The following ABCC4 variants were observed in gnomAD, a reference collection of about 807,000 sequenced individuals.
ABCC4 encodes the protein ATP binding cassette subfamily C member 4 (PEL blood group).
ABCC4 carries 102 observed loss-of-function variants against 168.5 expected under a neutral mutation model. That is an observed-to-expected ratio of 0.61 (90% CI 0.52 to 0.71). The LOEUF is 0.71. Ranked by LOEUF, ABCC4 falls within the 30% of genes least tolerant of loss-of-function variation. The probability of loss-of-function intolerance (pLI) is 0.00; values close to 1 mark genes in which losing one functional copy is unlikely to be tolerated. For missense variants in ABCC4, 1,402 were observed against 1,605.8 expected (o/e 0.87, Z 2.17); for synonymous variants, 617 against 590.7 (o/e 1.04, Z -0.65).
At chr13:95,140,722 T>C (rs897939136) in intron 19 of ABCC4, among the ~76,000 whole-genome samples, 1 of 152,238 alleles carries the variant, frequency 6.6e-6, no homozygotes, top group Non-Finnish European at 1.5e-5. Flanking sequence ...TGCAGTTATA[T>C]TCTTGGCCTA....
rs140436228 is a variant in ABCC4, at chr13:95,225,140, GTCTCTCTC to G, written c.531+9462_531+9469del. 3.9e-3 allele frequency among the ~76,000 whole-genome samples: 272 copies of G among 70,012 alleles called. 2 individuals carry two copies. Among genetic ancestry groups the G allele is most frequent in the East Asian group, 9.0e-3 (14 of 1,550 alleles). The allele number at this position is 70,012 out of a possible 152,430, so 45.9% of individuals were successfully genotyped here. On this transcript the variant is annotated intron_variant, in intron 4 of 30. Transcript: ENST00000645237. Reference sequence around the variant, plus strand: ...TCCCCCACTGTCTGTCTGTCTGTCTGTCTCTCTCTCTCTCACACACACACACACACACA... The same window carrying G: ...TCCCCCACTGTCTGTCTGTCTGTCTGTCTCTCACACACACACACACACACA...
At chr13:95,076,944 G>C (rs766975596) in intron 21 of ABCC4, among the ~76,000 whole-genome samples, 1 of 151,862 alleles carries the variant, frequency 6.6e-6, no homozygotes, top group Non-Finnish European at 1.5e-5. Context: ...GTTTTTCATA[G>C]AGATGAGGGT....
At chr13:95,188,580 A>G (rs1243553568) in intron 9 of ABCC4, 38 bp from the exon 10 acceptor site, 1 of 1,507,590 alleles carries the variant, frequency 6.6e-7, no homozygotes, top group Non-Finnish European at 9.2e-7. Flanking sequence ...CCATTTCAAT[A>G]AAGTCACACA....
intron 20 of ABCC4, among the ~76,000 whole-genome samples, chr13:95,106,525 G>C (rs1279276655): frequency 6.6e-6 from 1 of 150,840 alleles, no homozygotes; most frequent in South Asian, 2.1e-4. Context: ...TTAAAGAAGA[G>C]CAAGCAGAAG....
At chr13:95,299,853 CT>C (rs1335567543) in intron 1 of ABCC4, among the ~76,000 whole-genome samples, 4 of 152,104 alleles carry the variant, frequency 2.6e-5, no homozygotes, top group African/African-American at 9.7e-5. Context: ...ACACCCGCCA[CT>C]CCCCCAAGAC....
At chr13:95,240,669 C>G (rs2039915487) in intron 3 of ABCC4, among the ~76,000 whole-genome samples, 1 of 151,912 alleles carries the variant, frequency 6.6e-6, no homozygotes, top group Admixed American at 6.6e-5. Flanking sequence ...GCTTAGTATT[C>G]TATTATATTT....
intron 30 of ABCC4, among the ~76,000 whole-genome samples, chr13:95,030,477 T>C (rs569120376): frequency 6.6e-6 from 1 of 152,274 alleles, no homozygotes; most frequent in South Asian, 2.1e-4. Context: ...TCCCCCTAAA[T>C]TCCTATGTTG....
chr13:95,239,660 C>T (rs1284067034), intron 3 of ABCC4, among the ~76,000 whole-genome samples: 2 of 152,038 alleles, frequency 1.3e-5, no homozygotes, highest in Non-Finnish European at 2.9e-5. Context: ...TCCATGAGCT[C>T]ACAATCATAC....
chr13:95,211,517 A>G (rs3782968), intron 4 of ABCC4, among the ~76,000 whole-genome samples: 114,776 of 151,598 alleles, frequency 0.76, 44,054 homozygotes, highest in Non-Finnish European at 0.84. Flanking sequence ...ACGGAGAAGG[A>G]GGATGTGGAG....
chr13:95,064,260 GTATATATATATATATATATATATATA>G (rs753635232), intron 25 of ABCC4, among the ~76,000 whole-genome samples: 6 of 21,506 alleles, frequency 2.8e-4, no homozygotes, highest in Non-Finnish European at 3.5e-4. Flanking sequence ...GTGTGTGTGT[GTATATATATATATATATATATATATA>G]TATATATATA....
intron 19 of ABCC4, among the ~76,000 whole-genome samples, chr13:95,144,048 T>TAC (rs1176502046): frequency 6.6e-6 from 1 of 152,074 alleles, no homozygotes; most frequent in Admixed American, 6.6e-5. Context: ...ATATCAACAT[T>TAC]ACACACACAC....
At position 95,075,424 on chromosome 13, in the gene ABCC4, A is replaced by T. The variant is rs755372606; in HGVS notation, c.2806+8T>A. The T allele has an allele frequency of 2.5e-6, 4 of 1,613,998 alleles. No individual in the cohort carries two copies. The South Asian group carries it at 4.4e-5, about 18-fold the overall frequency. On this transcript the variant is annotated splice_region_variant and intron_variant, in intron 22 of 30. Coordinates refer to ENST00000645237, the MANE Select transcript of ABCC4 (RefSeq NM_005845.5). ...GTCCTTTGAAACCATTTCCAGAAAT[A>T]GACAGACCTGAATGTAAATCCTGGT...
At chr13:95,185,837 A>G (rs2038040691) in intron 11 of ABCC4, among the ~76,000 whole-genome samples, 3 of 152,114 alleles carry the variant, frequency 2.0e-5, no homozygotes, top group Admixed American at 6.5e-5. Context: ...ATCTTTTCTG[A>G]AAACAATCAC....
chr13:95,231,428 C>T (rs1261878076), intron 4 of ABCC4, among the ~76,000 whole-genome samples: 1 of 152,142 alleles, frequency 6.6e-6, no homozygotes, highest in Non-Finnish European at 1.5e-5. Context: ...CAAATGTCGA[C>T]GACGGGCTCG....
At chr13:95,216,608 C>CAAAAAAAATAAAAAA (rs2039117629) in intron 4 of ABCC4, among the ~76,000 whole-genome samples, 1 of 125,568 alleles carries the variant, frequency 8.0e-6, no homozygotes, top group African/African-American at 3.2e-5. Flanking sequence ...AGGAAATTCA[C>CAAAAAAAATAAAAAA]AAAAAAAAAA....
intron 30 of ABCC4, among the ~76,000 whole-genome samples, chr13:95,028,817 G>C (rs1345193441): frequency 6.9e-6 from 1 of 144,600 alleles, no homozygotes; most frequent in Non-Finnish European, 1.5e-5. Flanking sequence ...AAGTTAATTG[G>C]GAAAAGTGAA....
chr13:95,240,010 G>A (rs1178801667), intron 3 of ABCC4, among the ~76,000 whole-genome samples: 1 of 152,154 alleles, frequency 6.6e-6, no homozygotes, highest in African/African-American at 2.4e-5. Flanking sequence ...CGAAGTGGCA[G>A]GTGGTACACA....
chr13:95,051,509 C>T (rs962567723), intron 27 of ABCC4, among the ~76,000 whole-genome samples: 12 of 151,966 alleles, frequency 7.9e-5, no homozygotes, highest in African/African-American at 2.2e-4. Context: ...GCTGGGACTA[C>T]AGGTGCATGC....
chr13:95,037,757 T>C (rs1463720572), intron 29 of ABCC4, among the ~76,000 whole-genome samples: 1 of 152,184 alleles, frequency 6.6e-6, no homozygotes, highest in African/African-American at 2.4e-5. Flanking sequence ...CCTGTAAGCA[T>C]AAAAAAGTTC....
Sources: gnomAD v4.1 joint callset for allele counts (sites outside exome capture counted in the v4.1 genomes callset) on GRCh38, gnomAD v4.1.1 for gene constraint, MANE v1.5 for transcripts, NCBI Gene and HGNC (gene_info 2026-07-23, HGNC 2026-07-21) for gene names.